ADGRL2: variants seen among roughly 807,000 people sequenced by gnomAD.
ADGRL2 encodes the protein calcium-independent alpha-latrotoxin receptor 2.
Under a neutral mutation model 157.4 loss-of-function variants are expected in ADGRL2, and 44 were observed. The ratio of observed to expected loss-of-function variants is 0.28; its 90% CI spans 0.22 to 0.36. The LOEUF is 0.36. Among genes scored for constraint, ADGRL2 ranks in the 10% least tolerant of loss-of-function variants. ADGRL2 has a pLI of 1.00. For synonymous variants in ADGRL2, 585 were observed against 624.7 expected (o/e 0.94, Z 0.95); for missense variants, 1,510 against 1,768.9 (o/e 0.85, Z 2.63).
intron 3 of ADGRL2, among the ~76,000 whole-genome samples, chr1:81,645,419 A>G (rs1387423515): frequency 1.4e-5 from 2 of 146,316 alleles, no homozygotes; most frequent in Non-Finnish European, 3.0e-5. Flanking sequence ...AAAAAAAAAA[A>G]TTAAATTAAA....
chr1:81,565,368 G>A (rs1224413874), intron 2 of ADGRL2, among the ~76,000 whole-genome samples: 1 of 152,170 alleles, frequency 6.6e-6, no homozygotes, highest in Non-Finnish European at 1.5e-5. Flanking sequence ...TCTTATTAGA[G>A]CAATAAATAT....
intron 1 of ADGRL2, chr1:81,761,759 G>A (rs1320309136): frequency 1.3e-5 from 2 of 151,992 alleles, no homozygotes; most frequent in Non-Finnish European, 2.9e-5. Context: ...TGGCAGTTAG[G>A]ATCCCTGTGG....
At chr1:81,908,527 T>C (rs983522352) in intron 3 of ADGRL2, among the ~76,000 whole-genome samples, 3 of 152,252 alleles carry the variant, frequency 2.0e-5, no homozygotes, top group African/African-American at 7.2e-5. Flanking sequence ...TTAGGTTTTG[T>C]CAATTATGGA....
intron 2 of ADGRL2, among the ~76,000 whole-genome samples, chr1:81,464,292 C>T (rs1348361119): frequency 6.6e-6 from 1 of 151,980 alleles, no homozygotes; most frequent in African/African-American, 2.4e-5. Flanking sequence ...ATTACCCAGC[C>T]GCAATTTGTA....
intron 2 of ADGRL2, among the ~76,000 whole-genome samples, chr1:81,504,494 T>G (rs959707890): frequency 6.6e-6 from 1 of 152,190 alleles, no homozygotes; most frequent in Non-Finnish European, 1.5e-5. Flanking sequence ...CTGACTTTTT[T>G]TTTTATTTTA....
chr1:81,573,087 T>C (rs1371710836), intron 2 of ADGRL2, among the ~76,000 whole-genome samples: 6 of 151,924 alleles, frequency 3.9e-5, no homozygotes, highest in South Asian at 2.1e-4. Flanking sequence ...TGCAAGAGAG[T>C]ATTTTTGCAA....
chr1:81,920,680 G>C (rs868015865), intron 3 of ADGRL2, among the ~76,000 whole-genome samples: 1 of 151,988 alleles, frequency 6.6e-6, no homozygotes, highest in African/African-American at 2.4e-5. Context: ...ACTGGAGTTC[G>C]CCTTCTCACT....
chr1:81,714,024 T>C (rs563767945), intron 1 of ADGRL2, among the ~76,000 whole-genome samples: 2 of 152,158 alleles, frequency 1.3e-5, no homozygotes, highest in Non-Finnish European at 2.9e-5. Flanking sequence ...GGCAAGAGGG[T>C]GTGTGCAGGG....
At chr1:81,703,815 C>T (rs1450039282) in intron 1 of ADGRL2, among the ~76,000 whole-genome samples, 1 of 152,174 alleles carries the variant, frequency 6.6e-6, no homozygotes, top group African/African-American at 2.4e-5. Context: ...TCTAAGTTTA[C>T]ATTTTCCAAT....
chr1:81,480,826 C>T (rs187473664), intron 2 of ADGRL2, among the ~76,000 whole-genome samples: 58 of 152,284 alleles, frequency 3.8e-4, no homozygotes, highest in Non-Finnish European at 5.4e-4. Flanking sequence ...TTACCCCACT[C>T]AGCACCCACA....
In ADGRL2 at chr1:81,794,267, C is replaced by T. The variant is rs367801284; in HGVS notation, c.-101+32415C>T. Among the ~76,000 whole-genome samples, 192 of 152,090 alleles carry T rather than the reference C, an allele frequency of 1.3e-3. 7 individuals carry two copies. The South Asian group carries it at 0.036, about 28-fold the overall frequency. On this transcript the variant is annotated intron_variant, in intron 2 of 20. Coordinates refer to the ADGRL2 transcript ENST00000359929. ...AAGGATATTGTACTAATTAAGTTGC[C>T]GTCATTTTCGGGACAACTAAAGTTG...
chr1:81,364,270 C>T lies in ADGRL2; in HGVS notation c.-302+57761C>T, dbSNP rs568078156. ...TCATTTCTTTCATTTAAGTCTGAGT[C>T]AAAGCTCACCATTTGTGTTATGACC... On this transcript the variant is annotated intron_variant, in intron 1 of 24. Transcript: ENST00000370721. Among the ~76,000 whole-genome samples the T allele has an allele frequency of 4.0e-5, 6 of 151,682 alleles. No homozygotes were observed. The South Asian group carries it at 1.3e-3, about 32-fold the overall frequency.
At chr1:81,583,647 A>T (rs1182370782) in intron 3 of ADGRL2, among the ~76,000 whole-genome samples, 2 of 152,034 alleles carry the variant, frequency 1.3e-5, no homozygotes, top group Non-Finnish European at 2.9e-5. Flanking sequence ...GATTTTTATG[A>T]TTTGATTTTT....
chr1:81,918,395 T>A (rs2094907537), intron 3 of ADGRL2, among the ~76,000 whole-genome samples: 1 of 152,200 alleles, frequency 6.6e-6, no homozygotes, highest in East Asian at 1.9e-4. Context: ...ATTACATATA[T>A]ATATATAACA....
chr1:81,982,619 C>T (rs2149456947), intron 19 of ADGRL2, among the ~76,000 whole-genome samples: 1 of 151,988 alleles, frequency 6.6e-6, no homozygotes, highest in African/African-American at 2.4e-5. Flanking sequence ...GCCTACATAT[C>T]TAATGTAGTC....
rs866521430 is a variant in ADGRL2, at chr1:81,383,825, A to G, written c.-301-61211A>G. Among the ~76,000 whole-genome samples the G allele has an allele frequency of 4.4e-3, 627 of 143,936 alleles. 2 individuals carry two copies. Among genetic ancestry groups the G allele is most frequent in the African/African-American group, 0.012 (479 of 39,592 alleles). 94.4% of individuals were successfully genotyped at this position (143,936 alleles called of 152,430 possible). ...TAAAAATACAAAAAAAAAAAAAAAA[A>G]AGAGAGCCGGGCGTGGTACTTGGGA... On this transcript the variant is annotated intron_variant, in intron 1 of 24. Coordinates refer to the ADGRL2 transcript ENST00000370721.
intron 2 of ADGRL2, among the ~76,000 whole-genome samples, chr1:81,900,746 C>T: frequency 6.6e-6 from 1 of 152,162 alleles, no homozygotes; most frequent in South Asian, 2.1e-4. Context: ...CTGAGTCTGA[C>T]TTGTAAACTA....
intron 2 of ADGRL2, among the ~76,000 whole-genome samples, chr1:81,445,990 C>A (rs1272981446): frequency 1.3e-5 from 2 of 152,168 alleles, no homozygotes; most frequent in Non-Finnish European, 2.9e-5. Context: ...ATTTTTCAAC[C>A]TCCTCACCTT....
chr1:81,469,582 T>A (rs1309751046), intron 2 of ADGRL2, among the ~76,000 whole-genome samples: 1 of 152,238 alleles, frequency 6.6e-6, no homozygotes, highest in Non-Finnish European at 1.5e-5. Context: ...AGTTTAAGCA[T>A]GAAAAAGTTT....
Sources: gnomAD v4.1 joint callset for allele counts (sites outside exome capture counted in the v4.1 genomes callset) on GRCh38, gnomAD v4.1.1 for gene constraint, MANE v1.5 for transcripts, NCBI Gene and HGNC (gene_info 2026-07-23, HGNC 2026-07-21) for gene names.